NPHP4: variants seen among roughly 807,000 people sequenced by gnomAD.
NPHP4 encodes the protein nephrocystin 4, also known as nephrocystin-4.
In NPHP4, 151 loss-of-function variants were observed where a neutral mutation model predicts 155.8. The ratio of observed to expected loss-of-function variants is 0.97; its 90% confidence interval spans 0.85 to 1.11. The LOEUF is 1.11. NPHP4 is among the 50% of genes least tolerant of loss of function. The pLI, the probability that NPHP4 is intolerant of heterozygous loss-of-function variation, is 0.00. For missense variants in NPHP4, 1,956 were observed against 1,925.7 expected (o/e 1.02, Z -0.29); for synonymous variants, 845 against 816.8 (o/e 1.03, Z -0.59).
At position 5,864,481 on chromosome 1, in the gene NPHP4, C is replaced by A; in HGVS notation, c.3853G>T (p.Gly1285Trp). ...PKGVFVLPPR[G>W]VQDLHVGVRP... Reference sequence around the variant, plus strand: ...ACGCCAACATGCAGGTCCTGCACCCCACGAGGCGGCAGCACGAAGACACCT... The same window carrying A: ...ACGCCAACATGCAGGTCCTGCACCCAACGAGGCGGCAGCACGAAGACACCT... The change falls in exon 28 of 30, where the codon GGG becomes TGG. Residue 1285 changes from glycine to tryptophan, a missense_variant. Coordinates refer to ENST00000378156, the MANE Select transcript of NPHP4 (RefSeq NM_015102.5). 6.3e-7 allele frequency: 1 copy of A among 1,596,114 alleles called. No homozygotes were observed. The highest frequency in any genetic ancestry group is 8.5e-7 in the Non-Finnish European group (1 of 1,170,584).
intron 9 of NPHP4, among the ~76,000 whole-genome samples, chr1:5,942,097 T>C (rs1379450115): frequency 6.6e-6 from 1 of 152,118 alleles, no homozygotes; most frequent in Admixed American, 6.5e-5. Context: ...TCGCCCAGGA[T>C]GAACACATGC....
chr1:5,879,769 A>C (rs1643017932), intron 19 of NPHP4: 1 of 401,846 alleles, frequency 2.5e-6, no homozygotes, highest in African/African-American at 2.1e-5. Context: ...CAGCACCACG[A>C]ATGGTGCGCA....
chr1:5,932,621 C>T (rs10864264), intron 10 of NPHP4, among the ~76,000 whole-genome samples: 5,281 of 151,100 alleles, frequency 0.035, 285 homozygotes, highest in African/African-American at 0.12. Flanking sequence ...TTGTTTTTGC[C>T]GTCTTAATTG....
chr1:5,871,208 G>A (rs901113028), intron 23 of NPHP4, among the ~76,000 whole-genome samples: 1 of 152,210 alleles, frequency 6.6e-6, no homozygotes, highest in Admixed American at 6.5e-5. Context: ...CACTCTTCCT[G>A]TAACTCTTCC....
At chr1:5,913,411 G>A (rs1234392064) in intron 11 of NPHP4, among the ~76,000 whole-genome samples, 2 of 152,178 alleles carry the variant, frequency 1.3e-5, no homozygotes, top group East Asian at 3.9e-4. Flanking sequence ...CCACCTCTCT[G>A]AAGATTCCTT....
chr1:5,956,276 T>A, intron 6 of NPHP4, among the ~76,000 whole-genome samples: 1 of 151,992 alleles, frequency 6.6e-6, no homozygotes, highest in Non-Finnish European at 1.5e-5. Flanking sequence ...AGGAAAGAGG[T>A]TCTGTGTGGC....
At position 5,910,938 on chromosome 1, in the gene NPHP4, G is replaced by A. The variant is rs769150022; in HGVS notation, c.1442-1725C>T. Among the ~76,000 whole-genome samples the A allele has an allele frequency of 6.6e-6, 1 of 152,198 alleles. No homozygotes were observed. Among genetic ancestry groups the A allele is most frequent in the Non-Finnish European group, 1.5e-5 (1 of 68,042 alleles). On this transcript the variant is annotated intron_variant, in intron 11 of 29. Coordinates refer to ENST00000378156, the MANE Select transcript of NPHP4 (RefSeq NM_015102.5). The surrounding 1 kb of genome is among the most constrained non-coding windows in gnomAD (Gnocchi z 5.4). ...AGAGGATCCAACTGCCCAGCCTGGC[G>A]GGCACAGCTCCCAGTCCAACTACCT... is the stretch of plus-strand genomic sequence containing the variant.
intron 3 of NPHP4, among the ~76,000 whole-genome samples, chr1:5,974,316 T>C (rs185405735): frequency 3.9e-5 from 6 of 152,300 alleles, no homozygotes; most frequent in Admixed American, 6.5e-5. Context: ...GATGGGGGTT[T>C]AAGCTGTTGC....
chr1:5,919,736 GT>G (rs1356470160), intron 11 of NPHP4, among the ~76,000 whole-genome samples: 6 of 151,446 alleles, frequency 4.0e-5, no homozygotes, highest in South Asian at 4.2e-4. Context: ...TTGTTTGTGG[GT>G]TTTTTTTGTT....
chr1:5,882,025 A>G lies in NPHP4; in HGVS notation c.2486-1786T>C, dbSNP rs1643331732. The G allele has an allele frequency of 1.3e-5, 2 of 152,310 alleles. 1 individual carries two copies. Among genetic ancestry groups the G allele is most frequent in the South Asian group, 4.1e-4 (2 of 4,834 alleles). The allele number at this position is 152,310 out of a possible 1,614,324, so 9.4% of individuals were successfully genotyped here. A position where few individuals can be genotyped will look rare whatever the true frequency, so the allele number is the denominator to read the frequency against. On this transcript the variant is annotated intron_variant, in intron 18 of 29. Transcript: ENST00000378156. This position sits in a 1 kb window ranked among gnomAD's most constrained non-coding sequence, Gnocchi z 5.1. ...CTCACTCTGGGCAGCTGTAGGGTCA[A>G]GCCGCCTGCTCACCTGTGCTGAGAA...
intron 6 of NPHP4, among the ~76,000 whole-genome samples, chr1:5,959,234 A>C (rs901332258): frequency 6.6e-5 from 10 of 152,152 alleles, no homozygotes; most frequent in African/African-American, 2.4e-4. Context: ...TTAATTTTGC[A>C]ATGTTCTAGG....
At chr1:5,864,089 C>T in intron 28 of NPHP4, 56 bp from the exon 29 acceptor site, 1 of 1,585,252 alleles carries the variant, frequency 6.3e-7, no homozygotes, top group Non-Finnish European at 8.6e-7. Context: ...CAGCCACTGG[C>T]CCTTCCTCCA....
At chr1:5,942,928 G>A (rs901740257) in intron 9 of NPHP4, among the ~76,000 whole-genome samples, 3 of 152,200 alleles carry the variant, frequency 2.0e-5, no homozygotes, top group Admixed American at 6.5e-5. Flanking sequence ...CCAAGACACC[G>A]GATCTGGTGA....
chr1:5,894,973 C>T (rs1041717916), intron 16 of NPHP4, among the ~76,000 whole-genome samples: 1 of 152,138 alleles, frequency 6.6e-6, no homozygotes, highest in Non-Finnish European at 1.5e-5. Flanking sequence ...GAAGATGTGG[C>T]ACATACACCC....
At chr1:5,969,397 G>A in intron 3 of NPHP4, 138 bp from the exon 4 acceptor site, 2 of 474,832 alleles carry the variant, frequency 4.2e-6, no homozygotes, top group East Asian at 3.1e-5. Flanking sequence ...CTCATGTGGT[G>A]TACCACATCT....
At position 5,892,733 on chromosome 1, in the gene NPHP4, C is replaced by T. The variant is rs536391729; in HGVS notation, c.2144-1705G>A. The stretch of plus-strand genomic sequence containing the variant: ...GTCCAGCTGAGACAAGTGGCTCCTC[C>T]GTGGCCACCCCTGAGGTCCAAGCTC... On this transcript the variant is annotated intron_variant, in intron 16 of 29. Transcript: ENST00000378156. This position sits in a 1 kb window ranked among gnomAD's most constrained non-coding sequence, Gnocchi z 4.5. Among the ~76,000 whole-genome samples the T allele has an allele frequency of 8.7e-4, 132 of 152,044 alleles. No homozygotes were observed. Among genetic ancestry groups the T allele is most frequent in the Non-Finnish European group, 1.6e-3 (107 of 67,998 alleles).
intron 25 of NPHP4, 39 bp downstream of exon 25, chr1:5,866,991 G>A (rs773979501): frequency 6.6e-7 from 1 of 1,523,056 alleles, no homozygotes; most frequent in South Asian, 1.1e-5. Flanking sequence ...AGACTCACTG[G>A]GAAGGATCTG....
chr1:5,922,085 G>T (rs1258625053), intron 11 of NPHP4, among the ~76,000 whole-genome samples: 1 of 152,268 alleles, frequency 6.6e-6, no homozygotes, highest in South Asian at 2.1e-4. Flanking sequence ...TGAAAGGCAG[G>T]GAGGCAGGAG....
intron 5 of NPHP4, among the ~76,000 whole-genome samples, chr1:5,964,939 A>ATTTTTTTTTTTTT (rs1232148646): frequency 1.6e-3 from 101 of 62,666 alleles, no homozygotes; most frequent in East Asian, 2.9e-3. Context: ...ATATATATAT[A>ATTTTTTTTTTTTT]TATTTTTTTT....
Sources: allele counts gnomAD v4.1 joint callset (sites outside exome capture counted in the v4.1 genomes callset), GRCh38; gene constraint gnomAD v4.1.1; non-coding constraint Gnocchi (gnomAD v3.1); transcripts MANE v1.5; gene names NCBI Gene and HGNC (gene_info 2026-07-23, HGNC 2026-07-21).